The following SLC16A2 variants were observed in gnomAD, a reference collection of about 807,000 sequenced individuals.
SLC16A2 encodes the protein solute carrier family 16 member 2.
In SLC16A2, 3 loss-of-function variants were observed where a neutral mutation model predicts 27.2. The ratio of observed to expected loss-of-function variants is 0.11; its 90% CI spans 0.05 to 0.28. The LOEUF (loss-of-function observed/expected upper bound fraction) is 0.28, where lower values mean the gene tolerates loss of function less well. Among genes scored for constraint, SLC16A2 ranks in the 10% least tolerant of loss-of-function variants. The pLI, the probability that SLC16A2 is intolerant of heterozygous loss-of-function variation, is 1.00. For missense variants in SLC16A2, 295 were observed against 458.5 expected (o/e 0.64, Z 3.26); for synonymous variants, 202 against 187.8 (o/e 1.08, Z -0.62).
At chrX:74,441,799 C>T (rs147611522) in intron 1 of SLC16A2, among the ~76,000 whole-genome samples, 2,607 of 111,307 alleles carry the variant, frequency 0.023, 33 homozygotes, top group Non-Finnish European at 0.04. Flanking sequence ...TGTCCCCAGA[C>T]TGGGCAATAA....
chrX:74,430,961 C>T lies in SLC16A2; in HGVS notation c.430+8894C>T, dbSNP rs1010525287. On this transcript the variant is annotated intron_variant, in intron 1 of 5. Coordinates refer to ENST00000587091, the MANE Select transcript of SLC16A2 (RefSeq NM_006517.5). ...TTCTTCATGTTGCCCAGGCTGATCTCGAACTCTTGGACTCAAGCCATTGGC... is the reference window on the plus strand; with the variant it reads ...TTCTTCATGTTGCCCAGGCTGATCTTGAACTCTTGGACTCAAGCCATTGGC... 5.3e-5 allele frequency among the ~76,000 whole-genome samples: 6 copies of T among 112,460 alleles called. No homozygotes were observed. The East Asian group carries it at 8.4e-4, about 16-fold the overall frequency.
At chrX:74,495,304 T>TC (rs1420883929) in intron 1 of SLC16A2, among the ~76,000 whole-genome samples, 13 of 110,871 alleles carry the variant, frequency 1.2e-4, no homozygotes, top group South Asian at 3.9e-4. Flanking sequence ...AGTGACAGTG[T>TC]CCCTCTTGTC....
intron 1 of SLC16A2, among the ~76,000 whole-genome samples, chrX:74,503,464 G>A (rs1930072376): frequency 9.0e-6 from 1 of 111,364 alleles, no homozygotes; most frequent in African/African-American, 3.3e-5. Context: ...CTTCGTTACA[G>A]ATCAGGCATC....
rs777294612 is a variant in SLC16A2, at chrX:74,443,279, T to A, written c.430+21212T>A. On this transcript the variant is annotated intron_variant, in intron 1 of 5. Transcript: ENST00000587091. ...AGACCTGTGACTCTCAAGCCGAGGG[T>A]CATCTCTTCCCTGCTCCTCTGTGGA... 1.3e-4 allele frequency among the ~76,000 whole-genome samples: 15 copies of A among 111,435 alleles called. 1 individual carries two copies. The highest frequency in any genetic ancestry group is 1.2e-3 in the Admixed American group (13 of 10,475).
intron 1 of SLC16A2, among the ~76,000 whole-genome samples, 173 bp downstream of exon 1, chrX:74,422,240 G>C (rs1928317437): frequency 1.8e-5 from 2 of 111,684 alleles, no homozygotes; most frequent in Non-Finnish European, 3.8e-5. Context: ...TAGGGTGCGG[G>C]TTGCGGGGCT....
At chrX:74,459,086 G>T (rs1291452051) in intron 1 of SLC16A2, among the ~76,000 whole-genome samples, 1 of 103,287 alleles carries the variant, frequency 9.7e-6, no homozygotes, top group East Asian at 3.1e-4. Context: ...TGCAGTGGGT[G>T]GTGGATGGAC....
intron 1 of SLC16A2, among the ~76,000 whole-genome samples, chrX:74,484,809 C>T (rs1445976982): frequency 8.9e-6 from 1 of 112,275 alleles, no homozygotes; most frequent in African/African-American, 3.2e-5. Context: ...TCCATTCTGT[C>T]CCTTGGTGGG....
chrX:74,460,981 AG>A (rs1929130717), intron 1 of SLC16A2, among the ~76,000 whole-genome samples: 1 of 112,167 alleles, frequency 8.9e-6, no homozygotes, highest in South Asian at 3.7e-4. Flanking sequence ...ACATTGGAGA[AG>A]TATCCCTAAA....
intron 1 of SLC16A2, among the ~76,000 whole-genome samples, chrX:74,435,524 T>C (rs375714652): frequency 8.0e-4 from 53 of 66,559 alleles, no homozygotes; most frequent in South Asian, 7.0e-3. Context: ...TATATATATA[T>C]GCATATATAT....
Position 74,421,586 on chromosome X carries a change from C to T in SLC16A2, c.-52C>T. 1 of 1,187,018 alleles carries T rather than the reference C, an allele frequency of 8.4e-7. No homozygotes were observed. Among genetic ancestry groups the T allele is most frequent in the Non-Finnish European group, 1.1e-6 (1 of 879,421 alleles). On this transcript the variant is annotated 5_prime_UTR_variant, in exon 1 of 6. Coordinates refer to ENST00000587091, the MANE Select transcript of SLC16A2 (RefSeq NM_006517.5). ...GCAGCTGCAGCAGCAGAAACAAGTA[C>T]CAGCCACAAAGCGGCTCCTCTGGCC... is the stretch of plus-strand genomic sequence containing the variant.
At chrX:74,428,681 C>T (rs1286634523) in intron 1 of SLC16A2, among the ~76,000 whole-genome samples, 2 of 110,462 alleles carry the variant, frequency 1.8e-5, no homozygotes, top group East Asian at 2.9e-4. Context: ...GGGTGACTTT[C>T]GATGGAGCAC....
intron 1 of SLC16A2, among the ~76,000 whole-genome samples, chrX:74,485,636 G>T (rs1929701797): frequency 9.0e-6 from 1 of 111,094 alleles, no homozygotes; most frequent in Non-Finnish European, 1.9e-5. Flanking sequence ...TGGATTCCAA[G>T]GAATGGAACC....
At chrX:74,433,522 C>G (rs1314970661) in intron 1 of SLC16A2, among the ~76,000 whole-genome samples, 4 of 111,130 alleles carry the variant, frequency 3.6e-5, no homozygotes, top group Non-Finnish European at 7.5e-5. Flanking sequence ...CCTCCCCTGT[C>G]TAGTGATCCC....
intron 1 of SLC16A2, among the ~76,000 whole-genome samples, chrX:74,484,983 G>A (rs750790570): frequency 1.8e-5 from 2 of 111,625 alleles, no homozygotes; most frequent in Admixed American, 9.5e-5. Context: ...TTGGGAGGCC[G>A]AGGAGAGCAG....
intron 1 of SLC16A2, among the ~76,000 whole-genome samples, chrX:74,475,451 G>C (rs1368627181): frequency 9.3e-6 from 1 of 107,580 alleles, no homozygotes; most frequent in East Asian, 2.9e-4. Context: ...TCTGATGGTA[G>C]TTTCTTTTGC....
intron 1 of SLC16A2, among the ~76,000 whole-genome samples, chrX:74,514,793 G>A (rs1430590243): frequency 8.9e-6 from 1 of 111,842 alleles, no homozygotes; most frequent in African/African-American, 3.3e-5. Flanking sequence ...TAGGGATCTT[G>A]AATACCCACC....
At chrX:74,486,232 A>G (rs1370369580) in intron 1 of SLC16A2, among the ~76,000 whole-genome samples, 1 of 112,059 alleles carries the variant, frequency 8.9e-6, no homozygotes, top group Non-Finnish European at 1.9e-5. Context: ...CACCTTCCCC[A>G]GCTAGGCTTA....
chrX:74,437,414 A>G (rs1376045715), intron 1 of SLC16A2, among the ~76,000 whole-genome samples: 1 of 112,114 alleles, frequency 8.9e-6, no homozygotes, highest in Admixed American at 9.4e-5. Context: ...TTGTTCAAGG[A>G]CTTCAGTTCA....
At chrX:74,527,728 C>G (rs1365062975) in intron 4 of SLC16A2, among the ~76,000 whole-genome samples, 2 of 112,471 alleles carry the variant, frequency 1.8e-5, no homozygotes, top group Non-Finnish European at 3.8e-5. Context: ...CTTGGCAAAG[C>G]CTCATGGAGG....
Sources: gnomAD v4.1 joint callset for allele counts (sites outside exome capture counted in the v4.1 genomes callset) on GRCh38, gnomAD v4.1.1 for gene constraint, MANE v1.5 for transcripts, NCBI Gene and HGNC (gene_info 2026-07-23, HGNC 2026-07-21) for gene names.